Variants in NRG1 observed in about 807,000 individuals in gnomAD.
The protein encoded by NRG1 is neuregulin 1, also known as pro-neuregulin-1, membrane-bound isoform.
NRG1 carries 18 observed loss-of-function variants against 63.8 expected under a neutral mutation model. The observed-to-expected ratio is 0.28, with a 90% confidence interval of 0.19 to 0.42. NRG1 has a LOEUF of 0.42. NRG1 is among the 10% of genes least tolerant of loss of function. The pLI, the probability that NRG1 is intolerant of heterozygous loss-of-function variation, is 1.00. For synonymous variants in NRG1, 302 were observed against 301.3 expected (o/e 1.00, Z -0.02); for missense variants, 762 against 814.7 (o/e 0.94, Z 0.79).
chr8:32,066,033 G>A (rs1824752349), intron 1 of NRG1, among the ~76,000 whole-genome samples: 1 of 152,180 alleles, frequency 6.6e-6, no homozygotes, highest in African/African-American at 2.4e-5. Flanking sequence ...TGATGGGGTT[G>A]TTTGTTTTTT....
intron 1 of NRG1, among the ~76,000 whole-genome samples, chr8:32,553,676 C>T (rs181840685): frequency 1.3e-5 from 2 of 152,188 alleles, no homozygotes; most frequent in African/African-American, 2.4e-5. Context: ...GTATAGAATA[C>T]ATAATCTTCT....
In NRG1 at chr8:32,347,646, G is replaced by A. The variant is rs540599698; in HGVS notation, c.38-248182G>A. ...CATGAAGGTCTGTAGCCGTGTTGTT[G>A]CTTTTCCATGGACTTGGAAAACATG... On this transcript the variant is annotated intron_variant, in intron 1 of 10. Transcript: ENST00000519301. Among the ~76,000 whole-genome samples the A allele has an allele frequency of 3.9e-5, 6 of 152,238 alleles. No homozygotes were observed. The South Asian group carries it at 1.2e-3, about 32-fold the overall frequency.
intron 1 of NRG1, among the ~76,000 whole-genome samples, chr8:32,255,917 T>C: frequency 6.6e-6 from 1 of 152,332 alleles, no homozygotes; most frequent in Non-Finnish European, 1.5e-5. Context: ...CTTTTCATTC[T>C]TTTTTCTCTA....
At chr8:31,855,844 A>G (rs1189386090) in intron 1 of NRG1, among the ~76,000 whole-genome samples, 2 of 151,906 alleles carry the variant, frequency 1.3e-5, no homozygotes, top group Non-Finnish European at 2.9e-5. Flanking sequence ...CTTGTCTGTA[A>G]AGTGTTTTAT....
At chr8:32,769,564 G>A (rs61546856), downstream of NRG1, among the ~76,000 whole-genome samples, 7,317 of 152,242 alleles carry the variant, frequency 0.048, 591 homozygotes, top group African/African-American at 0.17. Context: ...CAAGATGCTG[G>A]AAGGAGTGGA....
chr8:32,729,556 T>C (rs7845747), intron 6 of NRG1, among the ~76,000 whole-genome samples: 6,971 of 152,248 alleles, frequency 0.046, 199 homozygotes, highest in Middle Eastern at 0.092. Flanking sequence ...ACTTAAATCT[T>C]GACAAGGAAG....
chr8:31,665,771 C>T (rs141565087), intron 1 of NRG1, among the ~76,000 whole-genome samples: 8 of 152,006 alleles, frequency 5.3e-5, no homozygotes, highest in Non-Finnish European at 1.0e-4. Context: ...ATCCTGGATG[C>T]CTTAATGAAA....
intron 5 of NRG1, among the ~76,000 whole-genome samples, chr8:32,715,999 G>T (rs1819117887): frequency 6.6e-6 from 1 of 152,122 alleles, no homozygotes; most frequent in African/African-American, 2.4e-5. Flanking sequence ...TCTTAGCAAG[G>T]TCTTGTTTTC....
chr8:32,015,493 TG>T (rs1371152337), intron 1 of NRG1, among the ~76,000 whole-genome samples: 1 of 152,124 alleles, frequency 6.6e-6, no homozygotes, highest in Non-Finnish European at 1.5e-5. Context: ...CAGGCAGTGC[TG>T]AATTGCTCAG....
intron 1 of NRG1, among the ~76,000 whole-genome samples, chr8:32,483,179 TC>T (rs1251464981): frequency 6.6e-6 from 1 of 152,244 alleles, no homozygotes; most frequent in Non-Finnish European, 1.5e-5. Flanking sequence ...ATTTTCTAGT[TC>T]TTATAGTTCA....
At chr8:32,143,234 CT>C (rs886630635) in intron 1 of NRG1, among the ~76,000 whole-genome samples, 173 of 150,484 alleles carry the variant, frequency 1.1e-3, no homozygotes, top group African/African-American at 2.5e-3. Context: ...GGTGTTAAGG[CT>C]TTTTTTTTGG....
At chr8:32,677,624 T>C (rs1034744249) in intron 5 of NRG1, among the ~76,000 whole-genome samples, 2 of 151,934 alleles carry the variant, frequency 1.3e-5, no homozygotes, top group African/African-American at 4.8e-5. Flanking sequence ...GCCACTGCAC[T>C]CCAGCCTGGG....
intron 1 of NRG1, among the ~76,000 whole-genome samples, chr8:31,803,604 C>A (rs1821999414): frequency 1.3e-5 from 2 of 152,184 alleles, no homozygotes; most frequent in South Asian, 4.1e-4. Context: ...AATCTTAGAG[C>A]TGATCTGTTT....
At chr8:32,097,408 A>C (rs1209990012) in intron 1 of NRG1, among the ~76,000 whole-genome samples, 1 of 152,136 alleles carries the variant, frequency 6.6e-6, no homozygotes, top group Non-Finnish European at 1.5e-5. Flanking sequence ...TAGTTCTTTG[A>C]GGAGTCTCCA....
At chr8:32,710,575 AT>A (rs1473389343) in intron 5 of NRG1, among the ~76,000 whole-genome samples, 1 of 152,036 alleles carries the variant, frequency 6.6e-6, no homozygotes, top group Non-Finnish European at 1.5e-5. Flanking sequence ...TAAAGTGTGT[AT>A]TTTTTTCTAA....
intron 5 of NRG1, among the ~76,000 whole-genome samples, chr8:32,625,096 G>A (rs376682813): frequency 1.3e-5 from 2 of 152,134 alleles, no homozygotes; most frequent in Non-Finnish European, 2.9e-5. Context: ...TAACAACTCC[G>A]GTAGTTCATC....
intron 5 of NRG1, among the ~76,000 whole-genome samples, chr8:32,626,541 A>G (rs1489719611): frequency 6.6e-6 from 1 of 152,004 alleles, no homozygotes; most frequent in Non-Finnish European, 1.5e-5. Context: ...TTAGCTGGGC[A>G]TGGTGGCGGT....
At chr8:31,977,605 C>A (rs1459803981) in intron 1 of NRG1, among the ~76,000 whole-genome samples, 2 of 152,036 alleles carry the variant, frequency 1.3e-5, no homozygotes, top group East Asian at 3.9e-4. Context: ...ATCCAATATA[C>A]AAGCAAACCA....
intron 1 of NRG1, among the ~76,000 whole-genome samples, chr8:32,200,286 A>G (rs1843370389): frequency 1.3e-5 from 2 of 152,008 alleles, no homozygotes; most frequent in South Asian, 4.1e-4. Context: ...TTTATATTTC[A>G]TTGTTGCTCT....
Sources: allele counts gnomAD v4.1 joint callset (sites outside exome capture counted in the v4.1 genomes callset), GRCh38; gene constraint gnomAD v4.1.1; transcripts MANE v1.5; gene names NCBI Gene and HGNC (gene_info 2026-07-23, HGNC 2026-07-21).